The following POLR3C variants were observed in gnomAD, a reference collection of about 807,000 sequenced individuals.
POLR3C encodes the protein RNA polymerase III subunit C.
Under a neutral mutation model 65.9 loss-of-function variants are expected in POLR3C, and 44 were observed. The ratio of observed to expected loss-of-function variants is 0.67; its 90% CI spans 0.52 to 0.86. POLR3C has a LOEUF of 0.86. Ranked by LOEUF, POLR3C falls within the 40% of genes least tolerant of loss-of-function variation. The pLI, the probability that POLR3C is intolerant of heterozygous loss-of-function variation, is 0.00. For missense variants in POLR3C, 576 were observed against 653.2 expected, an observed-to-expected ratio of 0.88 and a Z score of 1.29; for synonymous variants, 263 against 231.6, an observed-to-expected ratio of 1.14 and a Z score of -1.23.
Position 145,830,701 on chromosome 1 carries a change from C to T in POLR3C, c.678+1864C>T, listed in dbSNP as rs1478659964. ...GTAATTACAGCTACTTGGGAGGCTG[C>T]GGCAGGATAATGGCCTGAACCTGGG... On this transcript the variant is annotated intron_variant, in intron 5 of 14. Transcript: ENST00000334163. Among the ~76,000 whole-genome samples the T allele has an allele frequency of 5.3e-5, 8 of 151,434 alleles. No individual in the cohort carries two copies. The East Asian group carries it at 1.6e-3, about 29-fold the overall frequency.
intron 10 of POLR3C, 102 bp from the exon 11 acceptor site, chr1:145,837,954 G>C: frequency 9.6e-7 from 1 of 1,041,534 alleles, no homozygotes. Context: ...TTCCTGTCTG[G>C]TACTGGCTTC....
In POLR3C at chr1:145,836,597, T is replaced by G. The variant is rs368915270; in HGVS notation, c.957+23T>G. Reference sequence around the variant, plus strand: ...CCAGTAAGTCTGTTTTTGCTTTTTTTCTTTTTTCTTTAGCCTGTACTGTTG... The same window carrying G: ...CCAGTAAGTCTGTTTTTGCTTTTTTGCTTTTTTCTTTAGCCTGTACTGTTG... On this transcript the variant is annotated intron_variant, in intron 8 of 14. Transcript: ENST00000334163. The G allele has an allele frequency of 2.6e-5, 37 of 1,423,802 alleles. No individual in the cohort carries two copies. In the African/African-American group the frequency reaches 3.4e-4, roughly 13 times the overall value. The allele number at this position is 1,423,802 out of a possible 1,614,324, so 88.2% of individuals were successfully genotyped here.
At position 145,825,895 on chromosome 1, in the gene POLR3C, C is replaced by T. The variant is rs2101628645; in HGVS notation, c.119C>T (p.Ala40Val). The T allele has an allele frequency of 6.2e-7, 1 of 1,613,220 alleles. No homozygotes were observed. The highest frequency in any genetic ancestry group is 2.2e-5 in the East Asian group (1 of 44,876). ...GGCAGCCAGCCACTAAGAGTAATTG[C>T]CCATGACACAGGAACATCACTGGAT... Reference protein sequence around the residue: ...RTGSQPLRVIAHDTGTSLDQV... With the variant: ...RTGSQPLRVIVHDTGTSLDQV... Residue 40 changes from alanine to valine, a missense_variant, in exon 2 of 15, where the codon GCC becomes GTC. Transcript: ENST00000334163.
rs782100257 is a variant in POLR3C, at chr1:145,842,363, G to A, written c.1548G>A (p.Val516=). 6.2e-7 allele frequency: 1 copy of A among 1,610,808 alleles called. No homozygotes were observed. Among genetic ancestry groups the A allele is most frequent in the Non-Finnish European group, 8.5e-7 (1 of 1,177,692 alleles). ...GGTTGGATGCCAGTGAGATCCAGGTGGACGAAACCATCTTCCTGCTGGAGT... is the reference window on the plus strand; with the variant it reads ...GGTTGGATGCCAGTGAGATCCAGGTAGACGAAACCATCTTCCTGCTGGAGT... ...VNKLDASEIQ[V]DETIFLLESY... The change falls in exon 15 of 15, where the codon GTG becomes GTA. Residue 516 remains valine, a synonymous_variant. Coordinates refer to ENST00000334163, the MANE Select transcript of POLR3C (RefSeq NM_006468.8).
rs201943349 is a variant in POLR3C, at chr1:145,826,857, A to G, written c.441A>G (p.Thr147=). ...TGGACTATGCTGAAGTATCAAACAC[A>G]TTTGTGCGACTGGCAGACACACACT... ...KTMDYAEVSN[T]FVRLADTHFV... The change falls in exon 4 of 15, where the codon ACA becomes ACG. Residue 147 remains threonine, a synonymous_variant. Transcript: ENST00000334163. 46 of 1,612,058 alleles carry G rather than the reference A, an allele frequency of 2.9e-5. No homozygotes were observed. The African/African-American group carries it at 5.3e-4, about 19-fold the overall frequency.
chr1:145,832,104 G>A (rs1446382717), intron 5 of POLR3C, among the ~76,000 whole-genome samples: 1 of 152,134 alleles, frequency 6.6e-6, no homozygotes, highest in Non-Finnish European at 1.5e-5. Context: ...AGGAAAAAAT[G>A]TCCAACCATG....
rs199501293 is a variant in POLR3C at position 145,826,505 on chromosome 1, G to C, written c.199G>C (p.Val67Leu). The change falls in exon 3 of 15, where the codon GTG becomes CTG. Residue 67 changes from valine to leucine, a missense_variant. Transcript: ENST00000334163. ...CCAACATAACCTGGTGAGTTATCAA[G>C]TGCACAAACGTGGTGTGGTGGAGTA... The part of the protein sequence containing the change: ...LVQHNLVSYQ[V>L]HKRGVVEYEA... 1.1e-4 allele frequency: 176 copies of C among 1,613,670 alleles called. No homozygotes were observed. Among genetic ancestry groups the C allele is most frequent in the Non-Finnish European group, 1.4e-4 (165 of 1,179,924 alleles).
chr1:145,838,598 A>G (rs1652045662), intron 11 of POLR3C, among the ~76,000 whole-genome samples: 1 of 151,624 alleles, frequency 6.6e-6, no homozygotes, highest in African/African-American at 2.4e-5. Flanking sequence ...CAGGAAGGAG[A>G]CTCTCTTGAA....
At chr1:145,828,979 T>A in intron 5 of POLR3C, 142 bp downstream of exon 5, 2 of 587,140 alleles carry the variant, frequency 3.4e-6, no homozygotes, top group Non-Finnish European at 6.1e-6. Flanking sequence ...AGGAATAGAC[T>A]AACAAAGAAT....
chr1:145,828,344 T>G (rs779732120), intron 4 of POLR3C, among the ~76,000 whole-genome samples: 25 of 152,164 alleles, frequency 1.6e-4, no homozygotes, highest in Non-Finnish European at 2.4e-4. Context: ...GGAAATGACA[T>G]GATCTAATTT....
chr1:145,832,095 G>A (rs1651381552), intron 5 of POLR3C, among the ~76,000 whole-genome samples: 2 of 151,952 alleles, frequency 1.3e-5, no homozygotes, highest in Non-Finnish European at 2.9e-5. Flanking sequence ...GTTTTAAGAA[G>A]GAAAAAATGT....
chr1:145,826,757 T>A, intron 3 of POLR3C, 48 bp downstream of exon 3: 2 of 1,610,630 alleles, frequency 1.2e-6, no homozygotes, highest in South Asian at 1.1e-5. Context: ...ATCAGCTGGC[T>A]ATGGGAGTGA....
chr1:145,829,305 T>G (rs1466157991), intron 5 of POLR3C, among the ~76,000 whole-genome samples: 2 of 152,210 alleles, frequency 1.3e-5, no homozygotes, highest in Non-Finnish European at 2.9e-5. Flanking sequence ...TAAAAGACAC[T>G]ACCACGTAGG....
intron 5 of POLR3C, among the ~76,000 whole-genome samples, chr1:145,831,902 G>A (rs890508784): frequency 6.6e-6 from 1 of 152,046 alleles, no homozygotes; most frequent in African/African-American, 2.4e-5. Flanking sequence ...TTACCCAAGC[G>A]TGGTGGCACG....
At chr1:145,837,974 A>G in intron 10 of POLR3C, 82 bp from the exon 11 acceptor site, 2 of 1,286,682 alleles carry the variant, frequency 1.6e-6, no homozygotes, top group Non-Finnish European at 2.2e-6. Context: ...CACACATGGA[A>G]TAGAACAACC....
Position 145,844,261 on chromosome 1 carries a change from C to G in POLR3C, c.*1841C>G, listed in dbSNP as rs140530014. On this transcript the variant is annotated 3_prime_UTR_variant, in exon 15 of 15. Coordinates refer to ENST00000334163, the MANE Select transcript of POLR3C (RefSeq NM_006468.8). ...CACGATAGCCAAAACATGGAATCAA[C>G]CTAAGTGCCCATCAATAGATGAAAG... is the stretch of plus-strand genomic sequence containing the variant. 2.5e-4 allele frequency among the ~76,000 whole-genome samples: 38 copies of G among 152,290 alleles called. No individual in the cohort carries two copies. Among genetic ancestry groups the G allele is most frequent in the Non-Finnish European group, 5.0e-4 (34 of 68,018 alleles).
At position 145,840,290 on chromosome 1, in the gene POLR3C, A is replaced by G. The variant is rs587744729; in HGVS notation, c.1373+125A>G. The G allele has an allele frequency of 4.4e-5, 30 of 682,206 alleles. No individual in the cohort carries two copies. The Admixed American group carries it at 6.1e-4, about 14-fold the overall frequency. 42.3% of individuals were successfully genotyped at this position (682,206 alleles called of 1,614,324 possible). On this transcript the variant is annotated intron_variant, in intron 13 of 14. Transcript: ENST00000334163. ...CAGGGTGGCTCATGCCTGTAATCCCAGCACTTCGGGAGGCTGAGGCAGGTG... is the reference window on the plus strand; with the variant it reads ...CAGGGTGGCTCATGCCTGTAATCCCGGCACTTCGGGAGGCTGAGGCAGGTG...
intron 4 of POLR3C, among the ~76,000 whole-genome samples, chr1:145,828,347 T>C (rs188777018): frequency 6.6e-6 from 1 of 152,242 alleles, no homozygotes; most frequent in Admixed American, 6.5e-5. Context: ...AATGACATGA[T>C]CTAATTTGCA....
chr1:145,826,839 T>C lies in POLR3C; in HGVS notation c.423T>C (p.Tyr141=). 6.2e-7 allele frequency: 1 copy of C among 1,611,368 alleles called. No homozygotes were observed. The highest frequency in any genetic ancestry group is 8.5e-7 in the Non-Finnish European group (1 of 1,178,442). Residue 141 remains tyrosine, a synonymous_variant, in exon 4 of 15, where the codon TAT becomes TAC. Coordinates refer to ENST00000334163, the MANE Select transcript of POLR3C (RefSeq NM_006468.8). ...ATACAGATGGCAAGACCATGGACTA[T>C]GCTGAAGTATCAAACACATTTGTGC... ...ETMEDGKTMD[Y]AEVSNTFVRL...
Sources: allele counts gnomAD v4.1 joint callset (sites outside exome capture counted in the v4.1 genomes callset), GRCh38; gene constraint gnomAD v4.1.1; transcripts MANE v1.5; gene names NCBI Gene and HGNC (gene_info 2026-07-23, HGNC 2026-07-21).